The following GRHL1 variants were observed in gnomAD, a reference collection of about 807,000 sequenced individuals.
GRHL1 encodes grainyhead-like protein 1 homolog.
A neutral mutation model predicts 75.7 loss-of-function variants in GRHL1; 38 were observed. That is an observed-to-expected ratio of 0.50 (90% CI 0.39 to 0.66). The LOEUF is 0.66. GRHL1 is among the 30% of genes least tolerant of loss of function. GRHL1 has a pLI of 0.00. For missense variants in GRHL1, 589 were observed against 767.5 expected (o/e 0.77, Z 2.75); for synonymous variants, 266 against 279.4 (o/e 0.95, Z 0.48).
In GRHL1 at chr2:10,000,895, G is replaced by T; in HGVS notation, c.*188G>T. 1 of 448,290 alleles carries T rather than the reference G, an allele frequency of 2.2e-6. No homozygotes were observed. Among genetic ancestry groups the T allele is most frequent in the East Asian group, 3.4e-5 (1 of 29,158 alleles). 27.8% of individuals were successfully genotyped at this position (448,290 alleles called of 1,614,324 possible). A position where few individuals can be genotyped will look rare whatever the true frequency, so the allele number is the denominator to read the frequency against. On this transcript the variant is annotated 3_prime_UTR_variant, in exon 16 of 16. Coordinates refer to ENST00000324907, the MANE Select transcript of GRHL1 (RefSeq NM_198182.3). ...GTAGCATTTAATCTATTGCATTGGT[G>T]TTTTTCAGATGAAAGAGAAATCCAT...
At chr2:9,958,676 C>G in intron 2 of GRHL1, 110 bp from the exon 3 acceptor site, 1 of 766,356 alleles carries the variant, frequency 1.3e-6, no homozygotes, top group Non-Finnish European at 2.2e-6. Context: ...GCTAGGCAAC[C>G]AGTAGATAAA....
intron 8 of GRHL1, among the ~76,000 whole-genome samples, chr2:9,975,783 G>C (rs1667924559): frequency 6.6e-6 from 1 of 151,978 alleles, no homozygotes; most frequent in Non-Finnish European, 1.5e-5. Context: ...CTACTTGGGA[G>C]ACTGAGGCAG....
Position 9,998,751 on chromosome 2 carries a change from TATACGTATATATATGTACACAC to T in GRHL1, c.1678-210_1678-189del, listed in dbSNP as rs1421039730. ...ATATACGTATATATGTACACACATATATACGTATATATATGTACACACATATATACGTATATATATGTACACA... is the reference window on the plus strand; with the variant it reads ...ATATACGTATATATGTACACACATATATATATACGTATATATATGTACACA... On this transcript the variant is annotated intron_variant, in intron 14 of 15. Transcript: ENST00000324907. Among the ~76,000 whole-genome samples, 60 of 30,998 alleles carry T rather than the reference TATACGTATATATATGTACACAC, an allele frequency of 1.9e-3. 15 individuals carry two copies. Among genetic ancestry groups the T allele is most frequent in the East Asian group, 0.015 (6 of 398 alleles). 20.3% of individuals were successfully genotyped at this position (30,998 alleles called of 152,430 possible).
rs369881446 is a variant in GRHL1 at position 9,951,884 on chromosome 2, G to C, written c.20+31G>C. 4,359 of 1,412,586 alleles carry C rather than the reference G, an allele frequency of 3.1e-3. 102 individuals carry two copies. The African/African-American group carries it at 0.051, about 16-fold the overall frequency. The allele number at this position is 1,412,586 out of a possible 1,614,324, so 87.5% of individuals were successfully genotyped here. Reference sequence around the variant, plus strand: ...TGAGGCGCAGGAGTCCGGCCGCCGCGGGGGGGCCGCGCTGAGGGGCCGCAC... The same window carrying C: ...TGAGGCGCAGGAGTCCGGCCGCCGCCGGGGGGCCGCGCTGAGGGGCCGCAC... On this transcript the variant is annotated intron_variant, in intron 1 of 15. Coordinates refer to ENST00000324907, the MANE Select transcript of GRHL1 (RefSeq NM_198182.3). This position sits in a 1 kb window ranked among gnomAD's most constrained non-coding sequence, Gnocchi z 4.2.
rs11891762 is a variant in GRHL1, at chr2:9,955,068, C to G, written c.174C>G (p.Ala58=). The change falls in exon 2 of 16, where the codon GCC becomes GCG. Residue 58 remains alanine (A), a synonymous_variant. Coordinates refer to ENST00000324907, the MANE Select transcript of GRHL1 (RefSeq NM_198182.3). ...MMSINGDEDS[A]AALGLLYDYY... is the part of the protein sequence containing the mutation. ...GCATCAATGGAGATGAAGACAGCGC[C>G]GCTGCGCTGGGCCTGCTCTATGACT... 2,948 of 1,613,390 alleles carry G rather than the reference C, an allele frequency of 1.8e-3. 37 individuals carry two copies. The African/African-American group carries it at 0.032, about 17-fold the overall frequency.
intron 8 of GRHL1, among the ~76,000 whole-genome samples, chr2:9,966,628 A>G (rs1020067377): frequency 2.0e-5 from 3 of 152,124 alleles, no homozygotes; most frequent in African/African-American, 2.4e-5. Flanking sequence ...AAGACACTGT[A>G]TTAGGTGCTG....
rs538983332 is a variant in GRHL1, at chr2:9,992,518, C to T, written c.1461+372C>T. Among the ~76,000 whole-genome samples the T allele has an allele frequency of 1.1e-4, 15 of 139,780 alleles. No homozygotes were observed. The South Asian group carries it at 3.2e-3, about 30-fold the overall frequency. The allele number at this position is 139,780 out of a possible 152,430, so 91.7% of individuals were successfully genotyped here. ...TACCTAGGTTAAGGAGCTCTTATAA[C>T]ATAAGAACATCCGAAGGCTTTTCTC... On this transcript the variant is annotated intron_variant, in intron 11 of 15. Coordinates refer to ENST00000324907, the MANE Select transcript of GRHL1 (RefSeq NM_198182.3). This position sits in a 1 kb window ranked among gnomAD's most constrained non-coding sequence, Gnocchi z 4.6.
intron 8 of GRHL1, among the ~76,000 whole-genome samples, chr2:9,975,956 A>G (rs6735658): frequency 0.13 from 20,463 of 152,174 alleles, 1,782 homozygotes; most frequent in African/African-American, 0.24. Flanking sequence ...CCTAACCTCT[A>G]AGTCTTGGTT....
At chr2:9,955,174 AT>A (rs1666959940) in intron 2 of GRHL1, 73 bp downstream of exon 2, 4 of 971,868 alleles carry the variant, frequency 4.1e-6, no homozygotes, top group Admixed American at 2.6e-5. Context: ...AGAAACAGAC[AT>A]TTGCTGGTAG....
chr2:9,996,657 G>T (rs769037835), intron 14 of GRHL1, among the ~76,000 whole-genome samples: 1 of 152,130 alleles, frequency 6.6e-6, no homozygotes, highest in Non-Finnish European at 1.5e-5. Context: ...TTTTATATAC[G>T]TGGTTAAAGG....
intron 8 of GRHL1, among the ~76,000 whole-genome samples, chr2:9,976,217 A>G (rs1667941393): frequency 6.6e-6 from 1 of 152,190 alleles, no homozygotes; most frequent in South Asian, 2.1e-4. Context: ...ATTGCACTCT[A>G]GTAAGCGTAG....
intron 8 of GRHL1, among the ~76,000 whole-genome samples, chr2:9,981,676 G>A (rs1458354284): frequency 2.0e-5 from 3 of 152,108 alleles, no homozygotes; most frequent in Non-Finnish European, 4.4e-5. Flanking sequence ...TTTAGATAAG[G>A]GTATGAAAAG....
Position 9,952,905 on chromosome 2 carries a change from A to G in GRHL1, c.20+1052A>G, listed in dbSNP as rs535239725. 1.3e-4 allele frequency: 54 copies of G among 423,506 alleles called. 1 individual carries two copies. Among genetic ancestry groups the G allele is most frequent in the African/African-American group, 7.8e-4 (38 of 48,756 alleles). 26.2% of individuals were successfully genotyped at this position (423,506 alleles called of 1,614,324 possible). ...CTTAAATGGATTACTCTTATGTTGTAGAATATGCAGTTAAATTATTGCCTG... is the reference window on the plus strand; with the variant it reads ...CTTAAATGGATTACTCTTATGTTGTGGAATATGCAGTTAAATTATTGCCTG... On this transcript the variant is annotated intron_variant, in intron 1 of 15. Coordinates refer to ENST00000324907, the MANE Select transcript of GRHL1 (RefSeq NM_198182.3).
chr2:9,969,017 G>C (rs1667600098), intron 8 of GRHL1, among the ~76,000 whole-genome samples: 1 of 152,174 alleles, frequency 6.6e-6, no homozygotes, highest in Admixed American at 6.5e-5. Context: ...ATAAATTGGG[G>C]CTATTTGTTC....
chr2:9,968,623 G>GT lies in GRHL1; in HGVS notation c.1110+3243dup, dbSNP rs922552816. Among the ~76,000 whole-genome samples, 22 of 152,314 alleles carry GT rather than the reference G, an allele frequency of 1.4e-4. No homozygotes were observed. The highest frequency in any genetic ancestry group is 9.6e-4 in the East Asian group (5 of 5,182). On this transcript the variant is annotated intron_variant, in intron 8 of 15. Coordinates refer to ENST00000324907, the MANE Select transcript of GRHL1 (RefSeq NM_198182.3). This position sits in a 1 kb window ranked among gnomAD's most constrained non-coding sequence, Gnocchi z 4.7. ...TGAAGCATTAAAAGATGGAGCTTTG[G>GT]TAAGATGCTGAAGTTTAGGATTTGC...
chr2:9,984,664 CT>C (rs1022983311), intron 8 of GRHL1, among the ~76,000 whole-genome samples: 7 of 152,194 alleles, frequency 4.6e-5, no homozygotes, highest in African/African-American at 1.4e-4. Flanking sequence ...GGGGATCCCC[CT>C]GGATGGGTTC....
At chr2:9,963,030 T>C (rs1331719569) in intron 5 of GRHL1, among the ~76,000 whole-genome samples, 4 of 152,222 alleles carry the variant, frequency 2.6e-5, no homozygotes, top group Admixed American at 6.5e-5. Context: ...TCCAAGTTAA[T>C]TAGGAACTCA....
chr2:9,967,014 T>C (rs1264005979), intron 8 of GRHL1, among the ~76,000 whole-genome samples: 5 of 152,212 alleles, frequency 3.3e-5, no homozygotes, highest in African/African-American at 4.8e-5. Flanking sequence ...GTCCACTGGC[T>C]ACTACGAACA....
At chr2:9,959,525 T>G (rs1667177196) in intron 3 of GRHL1, 1 of 152,262 alleles carries the variant, frequency 6.6e-6, no homozygotes, top group African/African-American at 2.4e-5. Flanking sequence ...TAGTGTACTT[T>G]CTTCTACTTA....
Sources: gnomAD v4.1 joint callset for allele counts (sites outside exome capture counted in the v4.1 genomes callset) on GRCh38, gnomAD v4.1.1 for gene constraint, Gnocchi (gnomAD v3.1) non-coding constraint, MANE v1.5 for transcripts, NCBI Gene and HGNC (gene_info 2026-07-23, HGNC 2026-07-21) for gene names.